Variants in RARB observed in about 807,000 individuals in gnomAD.
RARB encodes HBV-activated protein.
In RARB, 17 loss-of-function variants were observed where a neutral mutation model predicts 51.9. The observed-to-expected ratio is 0.33, with a 90% CI of 0.22 to 0.49. RARB has a LOEUF of 0.49. RARB is among the 20% of genes least tolerant of loss of function. The pLI, the probability that RARB is intolerant of heterozygous loss-of-function variation, is 0.99. For synonymous variants in RARB, 215 were observed against 195.4 expected (o/e 1.10, Z -0.84); for missense variants, 369 against 550.8 (o/e 0.67, Z 3.30).
intron 5 of RARB, among the ~76,000 whole-genome samples, chr3:25,411,872 A>G (rs1707571291): frequency 6.6e-6 from 1 of 152,212 alleles, no homozygotes; most frequent in African/African-American, 2.4e-5. Flanking sequence ...TTTGGGAGAG[A>G]CAACAGGGGA....
intron 2 of RARB, among the ~76,000 whole-genome samples, chr3:25,485,939 A>G (rs914995057): frequency 6.6e-6 from 1 of 152,166 alleles, no homozygotes; most frequent in Non-Finnish European, 1.5e-5. Context: ...TGGAGTTTGG[A>G]GGGTAAGAAC....
chr3:25,367,817 C>CAAAAAA lies in RARB; in HGVS notation c.179-93371_179-93366dup, dbSNP rs369165017. On this transcript the variant is annotated intron_variant, in intron 5 of 11. Transcript: ENST00000383772. The stretch of plus-strand genomic sequence containing the variant: ...AGACCCTGTCACAAAAAAAAACAAG[C>CAAAAAA]AAAAAAAAAACAAAAACAAAACAAA... 3.7e-4 allele frequency among the ~76,000 whole-genome samples: 46 copies of CAAAAAA among 125,494 alleles called. 1 individual carries two copies. The highest frequency in any genetic ancestry group is 6.9e-4 in the East Asian group (3 of 4,318). 82.3% of individuals were successfully genotyped at this position (125,494 alleles called of 152,430 possible). A position where few individuals can be genotyped will look rare whatever the true frequency, so the allele number is the denominator to read the frequency against.
At chr3:25,266,596 A>C (rs1055250554) in intron 5 of RARB, among the ~76,000 whole-genome samples, 1 of 152,172 alleles carries the variant, frequency 6.6e-6, no homozygotes, top group Non-Finnish European at 1.5e-5. Context: ...AATTTAAACC[A>C]TCATGGCTAT....
intron 2 of RARB, among the ~76,000 whole-genome samples, chr3:25,027,312 G>A (rs1188120757): frequency 6.6e-6 from 1 of 152,108 alleles, no homozygotes; most frequent in African/African-American, 2.4e-5. Context: ...TGAGTCCTGG[G>A]GTCAGGTGAC....
intron 5 of RARB, among the ~76,000 whole-genome samples, chr3:25,413,427 A>G (rs1707619389): frequency 2.0e-5 from 3 of 152,188 alleles, no homozygotes; most frequent in Admixed American, 2.0e-4. Context: ...TAGTACAATT[A>G]TGATTATGTT....
rs149946679 is a variant in RARB, at chr3:24,845,965, C to G, written c.-458-12709C>G. On this transcript the variant is annotated intron_variant, in intron 1 of 11. Coordinates refer to the RARB transcript ENST00000383772. ...ATGCAGGCACAGACTTACACAATACCTCTGCGAGAGGCAGAGTGCTTATTA... is the reference window on the plus strand; with the variant it reads ...ATGCAGGCACAGACTTACACAATACGTCTGCGAGAGGCAGAGTGCTTATTA... Among the ~76,000 whole-genome samples, 221 of 152,304 alleles carry G rather than the reference C, an allele frequency of 1.5e-3. 2 individuals carry two copies. Among genetic ancestry groups the G allele is most frequent in the African/African-American group, 5.0e-3 (209 of 41,562 alleles).
intron 3 of RARB, among the ~76,000 whole-genome samples, chr3:25,564,035 C>A (rs1700382362): frequency 6.7e-6 from 1 of 149,450 alleles, no homozygotes; most frequent in Non-Finnish European, 1.5e-5. Flanking sequence ...ACATCTTTTG[C>A]ATGTTTCCTG....
intron 5 of RARB, among the ~76,000 whole-genome samples, chr3:25,215,589 G>A (rs576120330): frequency 2.6e-5 from 4 of 152,134 alleles, no homozygotes; most frequent in Admixed American, 6.6e-5. Flanking sequence ...TTGGGAACCC[G>A]TGCCTGAGGA....
At chr3:25,126,462 A>G (rs928959354) in intron 3 of RARB, among the ~76,000 whole-genome samples, 1 of 151,548 alleles carries the variant, frequency 6.6e-6, no homozygotes, top group Non-Finnish European at 1.5e-5. Context: ...TTTAAAGGTC[A>G]CTAATGCTAA....
intron 5 of RARB, among the ~76,000 whole-genome samples, chr3:25,227,964 T>G (rs755430071): frequency 4.6e-5 from 7 of 152,096 alleles, no homozygotes; most frequent in Non-Finnish European, 7.4e-5. Context: ...AGACATTGCC[T>G]CTATGTCTTT....
At chr3:24,882,930 T>C (rs2362775) in intron 2 of RARB, among the ~76,000 whole-genome samples, 51,669 of 151,932 alleles carry the variant, frequency 0.34, 11,059 homozygotes, top group Non-Finnish European at 0.46. Flanking sequence ...GGTGAGGGGG[T>C]ATATGGAAAG....
intron 5 of RARB, among the ~76,000 whole-genome samples, chr3:25,176,809 A>G (rs751982446): frequency 1.2e-4 from 19 of 152,178 alleles, no homozygotes; most frequent in Non-Finnish European, 2.6e-4. Flanking sequence ...TTTTTATTTC[A>G]CAGTTACTAA....
intron 2 of RARB, among the ~76,000 whole-genome samples, chr3:25,485,951 G>A (rs1379677353): frequency 6.6e-6 from 1 of 152,216 alleles, no homozygotes; most frequent in Non-Finnish European, 1.5e-5. Context: ...GGTAAGAACA[G>A]TGCAGTGGCT....
intron 5 of RARB, among the ~76,000 whole-genome samples, chr3:25,257,511 TG>T (rs1055078960): frequency 6.6e-6 from 1 of 152,080 alleles, no homozygotes; most frequent in African/African-American, 2.4e-5. Context: ...ACAGAAGAGT[TG>T]GAACTAGGGT....
chr3:24,957,579 G>T (rs1359472643), intron 2 of RARB, among the ~76,000 whole-genome samples: 1 of 152,166 alleles, frequency 6.6e-6, no homozygotes, highest in Non-Finnish European at 1.5e-5. Context: ...ATTATTTACA[G>T]AATTTGAAAA....
intron 3 of RARB, among the ~76,000 whole-genome samples, chr3:25,567,428 T>C (rs1199790496): frequency 6.6e-6 from 1 of 152,226 alleles, no homozygotes; most frequent in Non-Finnish European, 1.5e-5. Context: ...GACTGGCTTC[T>C]TTAAGGCGTA....
intron 5 of RARB, among the ~76,000 whole-genome samples, chr3:25,252,040 G>C (rs576445023): frequency 6.6e-6 from 1 of 152,036 alleles, no homozygotes; most frequent in African/African-American, 2.4e-5. Context: ...TGTATATGAT[G>C]TGAGATAGGG....
intron 1 of RARB, among the ~76,000 whole-genome samples, chr3:25,446,728 G>A (rs1009929320): frequency 2.7e-5 from 4 of 148,222 alleles, no homozygotes; most frequent in African/African-American, 1.0e-4. Flanking sequence ...GCGTGAACCC[G>A]GGAGGCGGAG....
chr3:25,352,781 A>G (rs1287895568), intron 5 of RARB, among the ~76,000 whole-genome samples: 1 of 152,162 alleles, frequency 6.6e-6, no homozygotes, highest in African/African-American at 2.4e-5. Context: ...AACATCACTC[A>G]TTACTTTCCA....
Sources: gnomAD v4.1 joint callset for allele counts (sites outside exome capture counted in the v4.1 genomes callset) on GRCh38, gnomAD v4.1.1 for gene constraint, MANE v1.5 for transcripts, NCBI Gene and HGNC (gene_info 2026-07-23, HGNC 2026-07-21) for gene names.